Variants in EYA3 observed in about 807,000 individuals in gnomAD.
The protein encoded by EYA3 is protein phosphatase EYA3.
In EYA3, 39 loss-of-function variants were observed where a neutral mutation model predicts 80.0. That is an observed-to-expected ratio of 0.49 (90% CI 0.38 to 0.64). The LOEUF is 0.64. EYA3 is among the 30% of genes least tolerant of loss of function. EYA3 has a pLI of 0.00. For synonymous variants in EYA3, 206 were observed against 232.8 expected, an observed-to-expected ratio of 0.88 and a Z score of 1.05; for missense variants, 523 against 676.1, an observed-to-expected ratio of 0.77 and a Z score of 2.51.
chr1:28,004,423 A>G lies in EYA3; in HGVS notation c.910-4T>C. On this transcript the variant is annotated splice_region_variant and splice_polypyrimidine_tract_variant and intron_variant, in intron 10 of 17. Coordinates refer to ENST00000373871, the MANE Select transcript of EYA3 (RefSeq NM_001990.4). ...CCAAGTCCCACAGAAATACCCGCTG[A>G]GGAAAGAAAATATAAAAAATGAGTA... 6.2e-7 allele frequency: 1 copy of G among 1,601,654 alleles called. No homozygotes were observed.
chr1:27,977,982 T>G (rs1639051190), intron 17 of EYA3, among the ~76,000 whole-genome samples: 1 of 152,118 alleles, frequency 6.6e-6, no homozygotes, highest in Non-Finnish European at 1.5e-5. Flanking sequence ...CAGAAACAGC[T>G]ATTGGTTGTA....
intron 2 of EYA3, among the ~76,000 whole-genome samples, chr1:28,049,666 T>C (rs77841727): frequency 6.6e-6 from 1 of 152,282 alleles, no homozygotes; most frequent in Non-Finnish European, 1.5e-5. Flanking sequence ...GTATTACCAA[T>C]GTATACGACT....
intron 12 of EYA3, chr1:27,998,343 GGACT>G: frequency 1.0e-6 from 1 of 984,764 alleles, no homozygotes; most frequent in Non-Finnish European, 1.2e-6. Context: ...TCCTGAGTGA[GGACT>G]ATGTCTAGAA....
intron 2 of EYA3, among the ~76,000 whole-genome samples, chr1:28,054,754 G>A (rs546465134): frequency 3.3e-5 from 5 of 152,328 alleles, no homozygotes; most frequent in Non-Finnish European, 7.3e-5. Context: ...GGGAGGCTGA[G>A]GTGGGAGCAT....
Position 28,004,420 on chromosome 1 carries a change from C to T in EYA3, c.910-1G>A. 1 of 1,602,384 alleles carries T rather than the reference C, an allele frequency of 6.2e-7. No homozygotes were observed. The highest frequency in any genetic ancestry group is 8.5e-7 in the Non-Finnish European group (1 of 1,171,542). ...CATCCAAGTCCCACAGAAATACCCG[C>T]TGAGGAAAGAAAATATAAAAAATGA... is the stretch of plus-strand genomic sequence containing the variant. On this transcript the variant is annotated splice_acceptor_variant, in intron 10 of 17. Coordinates refer to ENST00000373871, the MANE Select transcript of EYA3 (RefSeq NM_001990.4). LOFTEE classifies it high-confidence loss of function.
intron 8 of EYA3, among the ~76,000 whole-genome samples, chr1:28,014,284 G>A (rs1196661186): frequency 2.0e-5 from 3 of 151,556 alleles, no homozygotes; most frequent in Non-Finnish European, 4.4e-5. Flanking sequence ...CAAAAATCCA[G>A]GCATGGTGAT....
chr1:28,060,493 G>A (rs1644581343), intron 1 of EYA3, among the ~76,000 whole-genome samples: 1 of 152,196 alleles, frequency 6.6e-6, no homozygotes, highest in African/African-American at 2.4e-5. Context: ...TAGAAATATG[G>A]TAATATTAAA....
intron 16 of EYA3, among the ~76,000 whole-genome samples, chr1:27,981,664 G>A (rs1639310177): frequency 6.6e-6 from 1 of 151,400 alleles, no homozygotes; most frequent in South Asian, 2.1e-4. Context: ...ATAATCCCAA[G>A]CTACTCGAAA....
intron 12 of EYA3, 29 bp downstream of exon 12, chr1:27,999,931 G>T: frequency 6.9e-7 from 1 of 1,457,826 alleles, no homozygotes; most frequent in Non-Finnish European, 9.5e-7. Context: ...GTGTCTCAGT[G>T]AAGCACAGAA....
Position 27,971,603 on chromosome 1 carries a change from A to G in EYA3, c.*2863T>C, listed in dbSNP as rs1211967538. 4 of 69,660 alleles carry G rather than the reference A, an allele frequency of 5.7e-5. No homozygotes were observed. Among genetic ancestry groups the G allele is most frequent in the Non-Finnish European group, 9.0e-5 (3 of 33,320 alleles). 4.3% of individuals were successfully genotyped at this position (69,660 alleles called of 1,614,324 possible). A position where few individuals can be genotyped will look rare whatever the true frequency, so the allele number is the denominator to read the frequency against. On this transcript the variant is annotated 3_prime_UTR_variant, in exon 18 of 18. Transcript: ENST00000373871. Reference sequence around the variant, plus strand: ...AGCGAGACTCCATCTCAACAACAACAACAAAAAAAAAAAAAAAAAAAAAAA... The same window carrying G: ...AGCGAGACTCCATCTCAACAACAACGACAAAAAAAAAAAAAAAAAAAAAAA...
At chr1:28,017,386 G>T in intron 7 of EYA3, 147 bp from the exon 8 acceptor site, 1 of 574,106 alleles carries the variant, frequency 1.7e-6, no homozygotes, top group Non-Finnish European at 3.1e-6. Flanking sequence ...GCTTTTTTGT[G>T]TGGGATAGCT....
At chr1:28,012,666 T>C (rs1425754902) in intron 9 of EYA3, among the ~76,000 whole-genome samples, 3 of 152,192 alleles carry the variant, frequency 2.0e-5, no homozygotes, top group South Asian at 2.1e-4. Flanking sequence ...TAGGTTAAAT[T>C]GTATATATTT....
In EYA3 at chr1:27,974,304, A is replaced by C; in HGVS notation, c.*162T>G. 2 of 453,250 alleles carry C rather than the reference A, an allele frequency of 4.4e-6. No homozygotes were observed. Among genetic ancestry groups the C allele is most frequent in the Non-Finnish European group, 4.1e-6 (1 of 246,860 alleles). The allele number at this position is 453,250 out of a possible 1,614,324, so 28.1% of individuals were successfully genotyped here. A position where few individuals can be genotyped will look rare whatever the true frequency, so the allele number is the denominator to read the frequency against. On this transcript the variant is annotated 3_prime_UTR_variant, in exon 18 of 18. Coordinates refer to ENST00000373871, the MANE Select transcript of EYA3 (RefSeq NM_001990.4). The stretch of plus-strand genomic sequence containing the variant: ...GAGGCAGAGAGGGAGGGAGAGAGGA[A>C]GGGAGGGAGGGAGAGAGGGAGAGAG...
At chr1:28,069,416 G>C (rs932021744) in intron 1 of EYA3, among the ~76,000 whole-genome samples, 1 of 151,942 alleles carries the variant, frequency 6.6e-6, no homozygotes. Context: ...GCCAAAACAA[G>C]TAATTTTAAC....
intron 17 of EYA3, among the ~76,000 whole-genome samples, chr1:27,975,730 C>T (rs1571688422): frequency 6.6e-6 from 1 of 152,024 alleles, no homozygotes; most frequent in Non-Finnish European, 1.5e-5. Context: ...CATGATCGCC[C>T]GTCTTGGCCT....
intron 1 of EYA3, among the ~76,000 whole-genome samples, chr1:28,074,575 C>G (rs2148938568): frequency 6.6e-6 from 1 of 150,660 alleles, no homozygotes; most frequent in South Asian, 2.1e-4. Flanking sequence ...AGTGCAGTGG[C>G]AATTGTCCCT....
chr1:28,057,867 G>T, intron 2 of EYA3, 127 bp downstream of exon 2: 1 of 543,692 alleles, frequency 1.8e-6, no homozygotes, highest in Non-Finnish European at 3.0e-6. Flanking sequence ...TTGTTTTCTT[G>T]AAAGGAAACA....
In EYA3 at chr1:27,974,286, A is replaced by AGAGGGAGGGAGAGAGGAAGG; in HGVS notation, c.*160_*179dup. The AGAGGGAGGGAGAGAGGAAGG allele has an allele frequency of 6.8e-6, 3 of 438,420 alleles. No homozygotes were observed. The highest frequency in any genetic ancestry group is 1.3e-5 in the Non-Finnish European group (3 of 239,082). The allele number at this position is 438,420 out of a possible 1,614,324, so 27.2% of individuals were successfully genotyped here. A position where few individuals can be genotyped will look rare whatever the true frequency, so the allele number is the denominator to read the frequency against. On this transcript the variant is annotated 3_prime_UTR_variant, in exon 18 of 18. Coordinates refer to ENST00000373871, the MANE Select transcript of EYA3 (RefSeq NM_001990.4). ...GAGAGAGAGAGAGAGAGAGAGGCAG[A>AGAGGGAGGGAGAGAGGAAGG]GAGGGAGGGAGAGAGGAAGGGAGGG...
chr1:27,977,153 C>CA, intron 17 of EYA3: 1 of 1,427,288 alleles, frequency 7.0e-7, no homozygotes, highest in Non-Finnish European at 9.1e-7. Flanking sequence ...GTGTCTTTCC[C>CA]AAAGAGGGCA....
Sources: gnomAD v4.1 joint callset for allele counts (sites outside exome capture counted in the v4.1 genomes callset) on GRCh38, gnomAD v4.1.1 for gene constraint, MANE v1.5 for transcripts, NCBI Gene and HGNC (gene_info 2026-07-23, HGNC 2026-07-21) for gene names.